Variants in UNC5D observed in about 807,000 individuals in gnomAD.
UNC5D encodes netrin receptor UNC5D.
A neutral mutation model predicts 105.4 loss-of-function variants in UNC5D; 39 were observed. That is an observed-to-expected ratio of 0.37 (90% confidence interval 0.29 to 0.48). UNC5D has a LOEUF of 0.48. Ranked by LOEUF, UNC5D falls within the 20% of genes least tolerant of loss-of-function variation. UNC5D has a pLI of 0.98. For missense variants in UNC5D, 991 were observed against 1,202.4 expected, an observed-to-expected ratio of 0.82 and a Z score of 2.60; for synonymous variants, 452 against 450.4, an observed-to-expected ratio of 1.00 and a Z score of -0.04.
At chr8:35,450,728 A>G (rs921552271) in intron 1 of UNC5D, among the ~76,000 whole-genome samples, 6 of 152,194 alleles carry the variant, frequency 3.9e-5, no homozygotes, top group African/African-American at 1.4e-4. Context: ...TAACTTCACA[A>G]TGTTGTGAAA....
intron 1 of UNC5D, among the ~76,000 whole-genome samples, chr8:35,434,139 T>C (rs1318932285): frequency 6.6e-6 from 1 of 152,098 alleles, no homozygotes; most frequent in African/African-American, 2.4e-5. Flanking sequence ...AATTTTAAGC[T>C]TAATTGAAAA....
intron 1 of UNC5D, among the ~76,000 whole-genome samples, chr8:35,349,164 A>C (rs1812028436): frequency 6.6e-6 from 1 of 151,892 alleles, no homozygotes; most frequent in South Asian, 2.1e-4. Flanking sequence ...CAAAGGAAGG[A>C]GTTTTTTAAC....
At chr8:35,520,955 C>A (rs1364482454) in intron 1 of UNC5D, among the ~76,000 whole-genome samples, 1 of 152,108 alleles carries the variant, frequency 6.6e-6, no homozygotes, top group Non-Finnish European at 1.5e-5. Context: ...TTCCATACAG[C>A]CTTCTCTTTT....
At chr8:35,751,621 T>C (rs1484496287) in intron 13 of UNC5D, among the ~76,000 whole-genome samples, 1 of 152,320 alleles carries the variant, frequency 6.6e-6, no homozygotes, top group South Asian at 2.1e-4. Context: ...GTAATAATTT[T>C]CTGTTATAAT....
intron 1 of UNC5D, among the ~76,000 whole-genome samples, chr8:35,512,733 C>T (rs1812840769): frequency 6.6e-6 from 1 of 150,422 alleles, no homozygotes; most frequent in South Asian, 2.1e-4. Context: ...TTAGAAAATA[C>T]AGAGATGTAT....
At chr8:35,643,473 C>A (rs1033686245) in intron 4 of UNC5D, among the ~76,000 whole-genome samples, 3 of 152,124 alleles carry the variant, frequency 2.0e-5, no homozygotes, top group African/African-American at 7.2e-5. Flanking sequence ...CATGCCACCA[C>A]CCCCAGCTAA....
At chr8:35,698,236 CT>C (rs397893134) in intron 7 of UNC5D, among the ~76,000 whole-genome samples, 9,647 of 139,656 alleles carry the variant, frequency 0.069, 528 homozygotes, top group African/African-American at 0.14. Flanking sequence ...CACATAGCTC[CT>C]TTTTTTTTTT....
At chr8:35,678,376 ACT>A (rs752072233) in intron 4 of UNC5D, among the ~76,000 whole-genome samples, 4 of 152,210 alleles carry the variant, frequency 2.6e-5, no homozygotes, top group Non-Finnish European at 5.9e-5. Flanking sequence ...TTGAAGAAAC[ACT>A]CTGCAGCTAA....
In UNC5D at chr8:35,280,607, A is replaced by G. The variant is rs148307092; in HGVS notation, c.103+44720A>G. Among the ~76,000 whole-genome samples the G allele has an allele frequency of 5.0e-4, 76 of 152,274 alleles. No individual in the cohort carries two copies. The East Asian group carries it at 0.015, about 29-fold the overall frequency. ...CTCTCTTTGGTGATTCTCTTAACCCACTGTCAACTGAAATAGAGTTCATAT... is the reference window on the plus strand; with the variant it reads ...CTCTCTTTGGTGATTCTCTTAACCCGCTGTCAACTGAAATAGAGTTCATAT... On this transcript the variant is annotated intron_variant, in intron 1 of 16. Transcript: ENST00000404895.
intron 8 of UNC5D, among the ~76,000 whole-genome samples, chr8:35,711,039 C>T (rs375278108): frequency 1.8e-4 from 22 of 123,698 alleles, no homozygotes; most frequent in South Asian, 5.4e-4. Context: ...CCCGGGTTCA[C>T]GCCATTCTCC....
chr8:35,421,100 T>A (rs1000619729), intron 1 of UNC5D, among the ~76,000 whole-genome samples: 2 of 152,156 alleles, frequency 1.3e-5, no homozygotes, highest in African/African-American at 2.4e-5. Flanking sequence ...GACTACCTCT[T>A]CTGTGCCCAT....
chr8:35,334,520 T>TTA (rs950623516), intron 1 of UNC5D, among the ~76,000 whole-genome samples: 10 of 147,846 alleles, frequency 6.8e-5, no homozygotes, highest in African/African-American at 2.6e-4. Context: ...TTTTATTTAT[T>TTA]TTTTTTTTTG....
At chr8:35,274,733 A>G (rs1414022051) in intron 1 of UNC5D, among the ~76,000 whole-genome samples, 13 of 152,206 alleles carry the variant, frequency 8.5e-5, no homozygotes, top group Admixed American at 1.3e-4. Context: ...AATATTGAAA[A>G]TGTATTTGAA....
intron 1 of UNC5D, among the ~76,000 whole-genome samples, chr8:35,305,529 A>T (rs1808270583): frequency 2.0e-5 from 3 of 146,942 alleles, no homozygotes; most frequent in Admixed American, 2.0e-4. Flanking sequence ...TTTTGGGCGA[A>T]ATTCCTTTCT....
chr8:35,486,095 T>C (rs1257844159), intron 1 of UNC5D, among the ~76,000 whole-genome samples: 4 of 152,216 alleles, frequency 2.6e-5, no homozygotes, highest in African/African-American at 9.6e-5. Flanking sequence ...CTTTGATTCA[T>C]ATCAGGGTTC....
chr8:35,490,822 G>A (rs1012353078), intron 1 of UNC5D, among the ~76,000 whole-genome samples: 1 of 152,036 alleles, frequency 6.6e-6, no homozygotes, highest in Admixed American at 6.6e-5. Context: ...AATGGCTTCA[G>A]GTTGTCATCT....
At chr8:35,773,132 TTA>T (rs1343334116) in intron 15 of UNC5D, among the ~76,000 whole-genome samples, 2 of 152,238 alleles carry the variant, frequency 1.3e-5, no homozygotes, top group Non-Finnish European at 2.9e-5. Flanking sequence ...CCCTTTTGTC[TTA>T]TAATCATGGA....
intron 1 of UNC5D, among the ~76,000 whole-genome samples, chr8:35,458,406 G>C (rs1191114779): frequency 6.6e-6 from 1 of 152,128 alleles, no homozygotes; most frequent in East Asian, 1.9e-4. Flanking sequence ...ACCATGACTG[G>C]TAGTTGCAAT....
At chr8:35,705,216 G>C (rs559735796) in intron 7 of UNC5D, among the ~76,000 whole-genome samples, 1 of 152,084 alleles carries the variant, frequency 6.6e-6, no homozygotes, top group Admixed American at 6.5e-5. Flanking sequence ...CGCCCGCCTT[G>C]GCCTCCCAAA....
Sources: gnomAD v4.1 joint callset for allele counts (sites outside exome capture counted in the v4.1 genomes callset) on GRCh38, gnomAD v4.1.1 for gene constraint, MANE v1.5 for transcripts, NCBI Gene and HGNC (gene_info 2026-07-23, HGNC 2026-07-21) for gene names.